HHAT: variants seen among roughly 807,000 people sequenced by gnomAD.
The protein encoded by HHAT is hedgehog acyltransferase.
Under a neutral mutation model 70.8 loss-of-function variants are expected in HHAT, and 47 were observed. That is an observed-to-expected ratio of 0.66 (90% confidence interval 0.53 to 0.85). HHAT has a LOEUF of 0.85. HHAT is among the 40% of genes least tolerant of loss of function. HHAT has a pLI of 0.00. For missense variants in HHAT, 609 were observed against 604.8 expected (o/e 1.01, Z -0.07); for synonymous variants, 228 against 247.6 (o/e 0.92, Z 0.74).
chr1:210,600,827 C>T (rs965765376), intron 10 of HHAT, among the ~76,000 whole-genome samples: 7 of 152,042 alleles, frequency 4.6e-5, no homozygotes, highest in Non-Finnish European at 1.0e-4. Context: ...GGCTGCTTGT[C>T]GATTATTCCT....
chr1:210,527,278 G>GTC (rs553883443), intron 9 of HHAT, among the ~76,000 whole-genome samples: 8,928 of 152,168 alleles, frequency 0.059, 462 homozygotes, highest in East Asian at 0.26. Context: ...ATGCTGTGTG[G>GTC]TCTCTCGTGG....
chr1:210,504,062 T>A (rs895177733), intron 8 of HHAT, among the ~76,000 whole-genome samples: 2 of 152,194 alleles, frequency 1.3e-5, no homozygotes, highest in African/African-American at 4.8e-5. Context: ...TTCAAAGACA[T>A]TTTCAGAAAA....
intron 2 of HHAT, among the ~76,000 whole-genome samples, chr1:210,350,707 T>TTTTC (rs375826070): frequency 5.3e-5 from 8 of 152,200 alleles, no homozygotes; most frequent in Admixed American, 5.2e-4. Context: ...GCGAAGATGA[T>TTTTC]TTTCTTTCTT....
In HHAT at chr1:210,359,612, C is replaced by A. The variant is rs1167835079; in HGVS notation, c.92-3240C>A. Among the ~76,000 whole-genome samples the A allele has an allele frequency of 3.9e-5, 6 of 152,196 alleles. No homozygotes were observed. In the East Asian group the frequency reaches 1.2e-3, roughly 29 times the overall value. ...CAATCAGCCCTGGCCCTCTACCTGCCAAATTATCCTTAAAAAACCCCAGTC... is the reference window on the plus strand; with the variant it reads ...CAATCAGCCCTGGCCCTCTACCTGCAAAATTATCCTTAAAAAACCCCAGTC... On this transcript the variant is annotated intron_variant, in intron 2 of 11. Transcript: ENST00000261458.
chr1:210,362,271 G>T (rs181769127), intron 2 of HHAT, among the ~76,000 whole-genome samples: 1 of 148,560 alleles, frequency 6.7e-6, no homozygotes, highest in East Asian at 1.9e-4. Flanking sequence ...TTGAGATGGA[G>T]TCTTGCTCTT....
intron 9 of HHAT, among the ~76,000 whole-genome samples, chr1:210,554,138 C>T (rs573825161): frequency 6.6e-6 from 1 of 152,114 alleles, no homozygotes; most frequent in Admixed American, 6.5e-5. Flanking sequence ...AGTAATAATA[C>T]CGATGATGAT....
chr1:210,370,576 A>G (rs2089472507), intron 3 of HHAT, among the ~76,000 whole-genome samples: 1 of 149,648 alleles, frequency 6.7e-6, no homozygotes, highest in Non-Finnish European at 1.5e-5. Context: ...TTAATAAGCA[A>G]ATTTGATGTT....
intron 6 of HHAT, among the ~76,000 whole-genome samples, chr1:210,408,430 G>T (rs985518832): frequency 6.6e-6 from 1 of 152,140 alleles, no homozygotes; most frequent in Non-Finnish European, 1.5e-5. Flanking sequence ...TGATCCGCCC[G>T]CCTCGGCCTC....
chr1:210,425,305 T>A (rs2148300652), intron 7 of HHAT, among the ~76,000 whole-genome samples: 1 of 152,326 alleles, frequency 6.6e-6, no homozygotes. Flanking sequence ...GTTGTCTGTT[T>A]ACTCTGTTGA....
At chr1:210,496,010 CAAAAAAAAAAAAA>C (rs10639399) in intron 8 of HHAT, among the ~76,000 whole-genome samples, 1 of 67,960 alleles carries the variant, frequency 1.5e-5, no homozygotes. Context: ...AACTCTATCT[CAAAAAAAAAAAAA>C]AAAAAAAGAA....
intron 8 of HHAT, among the ~76,000 whole-genome samples, chr1:210,466,733 A>C (rs1313356551): frequency 1.3e-5 from 2 of 151,720 alleles, no homozygotes; most frequent in African/African-American, 4.9e-5. Flanking sequence ...ACTATATTTC[A>C]TATTCAAAAT....
intron 11 of HHAT, among the ~76,000 whole-genome samples, chr1:210,673,765 ATTT>A (rs1558407313): frequency 2.6e-4 from 2 of 7,668 alleles, no homozygotes; most frequent in Non-Finnish European, 4.3e-4. Context: ...CTTATTTATT[ATTT>A]ATTTATTTAT....
At chr1:210,352,730 C>T (rs2087159654) in intron 2 of HHAT, among the ~76,000 whole-genome samples, 1 of 152,040 alleles carries the variant, frequency 6.6e-6, no homozygotes, top group Admixed American at 6.5e-5. Context: ...AGCAGGGACT[C>T]AACAGAATAC....
chr1:210,391,274 AG>A (rs2091441351), intron 4 of HHAT, among the ~76,000 whole-genome samples: 1 of 152,240 alleles, frequency 6.6e-6, no homozygotes, highest in Non-Finnish European at 1.5e-5. Flanking sequence ...CTTATCTCAC[AG>A]TAATTTTCAA....
intron 11 of HHAT, among the ~76,000 whole-genome samples, chr1:210,659,010 A>G (rs1046552195): frequency 3.9e-5 from 6 of 152,224 alleles, no homozygotes; most frequent in Non-Finnish European, 8.8e-5. Flanking sequence ...CGACATCCTA[A>G]CATCACAATT....
At chr1:210,483,001 C>A (rs550715710) in intron 8 of HHAT, among the ~76,000 whole-genome samples, 18 of 152,318 alleles carry the variant, frequency 1.2e-4, no homozygotes, top group African/African-American at 4.3e-4. Context: ...GCTGTATAAA[C>A]ATAGCCTCTT....
chr1:210,386,230 C>CTT lies in HHAT; in HGVS notation c.160-1213_160-1212dup, dbSNP rs869305965. On this transcript the variant is annotated intron_variant, in intron 3 of 11. Coordinates refer to ENST00000261458, the MANE Select transcript of HHAT (RefSeq NM_018194.6). ...ATTGCAGGAGTCCTTTTCTTTTTTT[C>CTT]TTTTTTTTTTTTTTTTTTTTTTTTT... 7.0e-3 allele frequency among the ~76,000 whole-genome samples: 492 copies of CTT among 69,914 alleles called. 33 individuals carry two copies. The highest frequency in any genetic ancestry group is 0.018 in the East Asian group (38 of 2,076). 45.9% of individuals were successfully genotyped at this position (69,914 alleles called of 152,430 possible).
chr1:210,629,324 G>T (rs1483363764), intron 11 of HHAT, among the ~76,000 whole-genome samples: 1 of 152,254 alleles, frequency 6.6e-6, no homozygotes, highest in African/African-American at 2.4e-5. Context: ...TCCTTATTCA[G>T]AAGTGCACCT....
At chr1:210,380,867 T>TACG (rs2090582674) in intron 3 of HHAT, among the ~76,000 whole-genome samples, 1 of 151,742 alleles carries the variant, frequency 6.6e-6, no homozygotes, top group Non-Finnish European at 1.5e-5. Flanking sequence ...GAAGGTTAGG[T>TACG]ACGACGATGG....
Sources: gnomAD v4.1 joint callset for allele counts (sites outside exome capture counted in the v4.1 genomes callset) on GRCh38, gnomAD v4.1.1 for gene constraint, MANE v1.5 for transcripts, NCBI Gene and HGNC (gene_info 2026-07-23, HGNC 2026-07-21) for gene names.